The following TRPM8 variants were observed in gnomAD, a reference collection of about 807,000 sequenced individuals.
The protein encoded by TRPM8 is TRPM8 cationic channel.
A neutral mutation model predicts 133.7 loss-of-function variants in TRPM8; 110 were observed. That is an observed-to-expected ratio of 0.82 (90% CI 0.70 to 0.96). The LOEUF is 0.96. Among genes scored for constraint, TRPM8 ranks in the 40% least tolerant of loss-of-function variants. The probability of loss-of-function intolerance (pLI) is 0.00; values close to 1 mark genes in which losing one functional copy is unlikely to be tolerated. For missense variants in TRPM8, 1,291 were observed against 1,379.5 expected (o/e 0.94, Z 1.02); for synonymous variants, 535 against 532.3 (o/e 1.01, Z -0.07).
Position 233,983,200 on chromosome 2 carries a change from G to A in TRPM8, c.2737G>A (p.Gly913Ser), listed in dbSNP as rs1692056224. ...VIYEPYLAMF[G>S]QVPSDVDGTT... ...CTACGAGCCCTACCTGGCCATGTTCGGCCAGGTGCCCAGTGACGTGGATGG... is the reference window on the plus strand; with the variant it reads ...CTACGAGCCCTACCTGGCCATGTTCAGCCAGGTGCCCAGTGACGTGGATGG... The change falls in exon 20 of 26, where the codon GGC becomes AGC. Residue 913 changes from glycine (G) to serine (S), a missense_variant. Transcript: ENST00000324695. The A allele has an allele frequency of 6.8e-6, 11 of 1,614,004 alleles. No individual in the cohort carries two copies. Among genetic ancestry groups the A allele is most frequent in the Admixed American group, 1.7e-5 (1 of 60,006 alleles).
chr2:233,970,969 C>T (rs2125227463), intron 17 of TRPM8, among the ~76,000 whole-genome samples: 1 of 152,280 alleles, frequency 6.6e-6, no homozygotes, highest in Middle Eastern at 3.4e-3. Context: ...ACCCAGAAGT[C>T]TAGCTCAGGA....
chr2:233,954,840 G>A (rs1233983183), intron 10 of TRPM8, among the ~76,000 whole-genome samples: 2 of 152,126 alleles, frequency 1.3e-5, no homozygotes, highest in South Asian at 2.1e-4. Context: ...ATAATACTAT[G>A]GAATCTGAAT....
At chr2:233,942,488 T>C (rs1690933931) in intron 5 of TRPM8, 88 bp from the exon 6 acceptor site, 6 of 1,309,502 alleles carry the variant, frequency 4.6e-6, no homozygotes, top group East Asian at 4.6e-5. Flanking sequence ...CCTACAGGGA[T>C]GGGGCCTTTA....
chr2:234,013,140 A>C (rs1227198498), intron 24 of TRPM8: 2 of 152,146 alleles, frequency 1.3e-5, no homozygotes, highest in Non-Finnish European at 2.9e-5. Context: ...GGCCTCACAC[A>C]ATGAATTTGT....
At chr2:233,991,002 G>C (rs1156392763) in intron 21 of TRPM8, among the ~76,000 whole-genome samples, 1 of 152,120 alleles carries the variant, frequency 6.6e-6, no homozygotes, top group African/African-American at 2.4e-5. Flanking sequence ...TGTTGGCTGG[G>C]GGAGCCTAGG....
intron 6 of TRPM8, 95 bp downstream of exon 6, chr2:233,942,843 C>T (rs1574707198): frequency 6.8e-7 from 1 of 1,463,402 alleles, no homozygotes; most frequent in East Asian, 2.3e-5. Context: ...GTGATGGAGC[C>T]AGCCAGATCA....
chr2:234,012,547 A>T (rs995938799), intron 24 of TRPM8, among the ~76,000 whole-genome samples: 1 of 152,030 alleles, frequency 6.6e-6, no homozygotes, highest in Admixed American at 6.6e-5. Flanking sequence ...TGTTATATGC[A>T]AATAGAGATA....
rs1691135924 is a variant in TRPM8, at chr2:233,950,033, G to T, written c.1027G>T (p.Val343Leu). 6.2e-7 allele frequency: 1 copy of T among 1,614,062 alleles called. No individual in the cohort carries two copies. The highest frequency in any genetic ancestry group is 1.7e-5 in the Admixed American group (1 of 60,014). ...GQIADVIASLVEVEDALTSSA... is the reference protein window; with the variant it reads ...GQIADVIASLLEVEDALTSSA... ...GATCGCTGATGTGATCGCTAGCCTG[G>T]TGGAGGTGGAGGATGCCCTGACATC... Residue 343 changes from valine (V) to leucine (L), a missense_variant, in exon 9 of 26, where the codon GTG becomes TTG. Val to Leu is a conservative substitution (Grantham distance 32, BLOSUM62 1). Coordinates refer to ENST00000324695, the MANE Select transcript of TRPM8 (RefSeq NM_024080.5).
intron 6 of TRPM8, among the ~76,000 whole-genome samples, chr2:233,944,940 T>C (rs950871326): frequency 6.6e-6 from 1 of 152,176 alleles, no homozygotes; most frequent in African/African-American, 2.4e-5. Flanking sequence ...AAGTGAGGCA[T>C]ACAGAAAGTA....
In TRPM8 at chr2:233,962,727, A is replaced by G. The variant is rs769387107; in HGVS notation, c.1654-555A>G. Reference sequence around the variant, plus strand: ...CATTTTATACATTGGTAAAACCTGTAAAGAAGTTGAAAAGGAATATATTAT... The same window carrying G: ...CATTTTATACATTGGTAAAACCTGTGAAGAAGTTGAAAAGGAATATATTAT... On this transcript the variant is annotated intron_variant, in intron 12 of 25. Coordinates refer to ENST00000324695, the MANE Select transcript of TRPM8 (RefSeq NM_024080.5). 3.3e-5 allele frequency among the ~76,000 whole-genome samples: 5 copies of G among 152,374 alleles called. No homozygotes were observed. In the East Asian group the frequency reaches 9.6e-4, roughly 29 times the overall value.
intron 17 of TRPM8, among the ~76,000 whole-genome samples, chr2:233,976,213 G>A (rs575860320): frequency 4.6e-5 from 7 of 152,306 alleles, no homozygotes; most frequent in Admixed American, 4.6e-4. Flanking sequence ...ATGAGCATCG[G>A]CAAGCAGCAC....
rs1559540249 is a variant in TRPM8 at position 233,981,758 on chromosome 2, CT to C, written c.2448-14del. 1 of 1,585,848 alleles carries C rather than the reference CT, an allele frequency of 6.3e-7. No homozygotes were observed. Among genetic ancestry groups the C allele is most frequent in the East Asian group, 2.2e-5 (1 of 44,474 alleles). ...TGTCAATATCTCATGAATTCTGTTCCTTCTTTTCCCCCTAGGCTCCACTCTT... is the reference window on the plus strand; with the variant it reads ...TGTCAATATCTCATGAATTCTGTTCCTCTTTTCCCCCTAGGCTCCACTCTT... On this transcript the variant is annotated splice_polypyrimidine_tract_variant and intron_variant, in intron 18 of 25. Coordinates refer to ENST00000324695, the MANE Select transcript of TRPM8 (RefSeq NM_024080.5).
intron 13 of TRPM8, among the ~76,000 whole-genome samples, chr2:233,964,359 C>G (rs1407907248): frequency 6.6e-6 from 1 of 151,832 alleles, no homozygotes; most frequent in Non-Finnish European, 1.5e-5. Flanking sequence ...CAAGACCAGC[C>G]TGACCAACAT....
intron 21 of TRPM8, among the ~76,000 whole-genome samples, chr2:233,993,596 C>A (rs2125337184): frequency 6.6e-6 from 1 of 152,262 alleles, no homozygotes; most frequent in South Asian, 2.1e-4. Flanking sequence ...GGCTTGGTCC[C>A]AAGTTGCAGT....
intron 21 of TRPM8, among the ~76,000 whole-genome samples, chr2:233,995,414 G>A (rs1020006222): frequency 2.0e-5 from 3 of 152,154 alleles, no homozygotes; most frequent in Non-Finnish European, 4.4e-5. Context: ...TAATCATTAT[G>A]GAAGTAATTC....
intron 14 of TRPM8, 86 bp from the exon 15 acceptor site, chr2:233,966,524 C>T: frequency 1.3e-6 from 2 of 1,549,986 alleles, no homozygotes; most frequent in Non-Finnish European, 1.8e-6. Flanking sequence ...TTTTTGGATT[C>T]AGGGGTTGGC....
intron 5 of TRPM8, among the ~76,000 whole-genome samples, chr2:233,939,683 T>C (rs759681523): frequency 6.6e-6 from 1 of 152,240 alleles, no homozygotes; most frequent in African/African-American, 2.4e-5. Context: ...ATTTTGAATC[T>C]ACAAAATGTT....
At chr2:233,975,911 G>GAACA (rs910475670) in intron 17 of TRPM8, among the ~76,000 whole-genome samples, 3 of 143,772 alleles carry the variant, frequency 2.1e-5, no homozygotes, top group South Asian at 2.3e-4. Flanking sequence ...AAAAACAAAT[G>GAACA]AACAAACAAA....
intron 21 of TRPM8, among the ~76,000 whole-genome samples, chr2:233,993,521 G>A (rs897563910): frequency 1.3e-5 from 2 of 152,202 alleles, no homozygotes; most frequent in Admixed American, 6.5e-5. Flanking sequence ...GTACCCACCT[G>A]CACCTCCCTG....
Sources: allele counts gnomAD v4.1 joint callset (sites outside exome capture counted in the v4.1 genomes callset), GRCh38; gene constraint gnomAD v4.1.1; transcripts MANE v1.5; gene names NCBI Gene and HGNC (gene_info 2026-07-23, HGNC 2026-07-21).